NFIB: variants seen among roughly 807,000 people sequenced by gnomAD.
NFIB encodes the protein nuclear factor 1 B-type.
NFIB carries 11 observed loss-of-function variants against 61.5 expected under a neutral mutation model. The ratio of observed to expected loss-of-function variants is 0.18; its 90% CI spans 0.11 to 0.30. The LOEUF (loss-of-function observed/expected upper bound fraction) is 0.30. Ranked by LOEUF, NFIB falls within the 10% of genes least tolerant of loss-of-function variation. The pLI is 1.00. For synonymous variants in NFIB, 260 were observed against 216.5 expected, an observed-to-expected ratio of 1.20 and a Z score of -1.76; for missense variants, 471 against 608.9, an observed-to-expected ratio of 0.77 and a Z score of 2.38.
At chr9:14,217,688 A>C (rs550343853) in intron 2 of NFIB, among the ~76,000 whole-genome samples, 1 of 150,422 alleles carries the variant, frequency 6.6e-6, no homozygotes, top group Admixed American at 6.6e-5. Flanking sequence ...AAAAGACACA[A>C]ACTAAGCAAA....
chr9:14,393,285 G>A (rs940698338), intron 1 of NFIB, among the ~76,000 whole-genome samples: 1 of 152,092 alleles, frequency 6.6e-6, no homozygotes, highest in Non-Finnish European at 1.5e-5. Context: ...CATTGGCTAT[G>A]GCCTAAAAAA....
At chr9:14,146,847 G>C in intron 5 of NFIB, 40 bp from the exon 6 acceptor site, 1 of 1,591,862 alleles carries the variant, frequency 6.3e-7, no homozygotes. Context: ...TGGGATTTCT[G>C]GGAAGATGTG....
chr9:14,353,276 G>A (rs1426480948), intron 1 of NFIB, among the ~76,000 whole-genome samples: 2 of 152,152 alleles, frequency 1.3e-5, no homozygotes, highest in Non-Finnish European at 2.9e-5. Flanking sequence ...GTGGAAAGGG[G>A]AGGGATATTA....
chr9:14,504,761 A>G, the NFIB span, among the ~76,000 whole-genome samples: 2 of 152,126 alleles, frequency 1.3e-5, no homozygotes, highest in African/African-American at 4.8e-5. Context: ...TAGGTATATG[A>G]TCATATAATC....
At chr9:14,094,559 C>G (rs1025488376) in intron 10 of NFIB, 4 of 152,376 alleles carry the variant, frequency 2.6e-5, no homozygotes, top group Non-Finnish European at 5.9e-5. Flanking sequence ...CGGAATGATC[C>G]TCTTTGCATG....
the NFIB span, among the ~76,000 whole-genome samples, chr9:14,452,670 ACATGTCTG>A: frequency 1.3e-5 from 2 of 152,134 alleles, no homozygotes; most frequent in Non-Finnish European, 2.9e-5. Flanking sequence ...TCCCTAGTAG[ACATGTCTG>A]CTCCTGAAGA....
At chr9:14,228,026 A>C (rs1192868735) in intron 2 of NFIB, among the ~76,000 whole-genome samples, 3 of 152,154 alleles carry the variant, frequency 2.0e-5, no homozygotes, top group African/African-American at 4.8e-5. Context: ...CTCTTCCTTT[A>C]ATCAGATGAC....
intron 2 of NFIB, among the ~76,000 whole-genome samples, chr9:14,199,989 A>C (rs1023700755): frequency 6.6e-6 from 1 of 152,118 alleles, no homozygotes; most frequent in Non-Finnish European, 1.5e-5. Flanking sequence ...AGCAGAAGGG[A>C]TTGTCCAAAT....
At position 14,307,329 on chromosome 9, in the gene NFIB, G is replaced by A. The variant is rs565732389; in HGVS notation, c.222C>T (p.Ser74=). The A allele has an allele frequency of 2.5e-6, 4 of 1,613,882 alleles. No homozygotes were observed. The highest frequency in any genetic ancestry group is 1.1e-5 in the South Asian group (1 of 91,072). Reference sequence around the variant, plus strand: ...CTTTGCGCAGTTTGGCAAGGAGCCTGGATGCCCACTTCTGTTTGATTTCAG... The same window carrying A: ...CTTTGCGCAGTTTGGCAAGGAGCCTAGATGCCCACTTCTGTTTGATTTCAG... ...EKPEIKQKWA[S]RLLAKLRKDI... The change falls in exon 2 of 11, where the codon TCC becomes TCT. Residue 74 remains serine, a synonymous_variant. Coordinates refer to ENST00000380953, the MANE Select transcript of NFIB (RefSeq NM_001190737.2). This position sits in a 1 kb window ranked among gnomAD's most constrained non-coding sequence, Gnocchi z 5.3.
Position 14,083,739 on chromosome 9 carries a change from G to A in NFIB, c.*4570C>T, listed in dbSNP as rs1249175861. ...GAATTTGAATCTAGGTAAAGAACAT[G>A]TCCTGCTGTCACACCGCTGAAGATG... On this transcript the variant is annotated 3_prime_UTR_variant, in exon 11 of 11. Transcript: ENST00000380953. The A allele has an allele frequency of 8.9e-6, 2 of 224,974 alleles. No individual in the cohort carries two copies. The highest frequency in any genetic ancestry group is 8.9e-6 in the Non-Finnish European group (1 of 112,564). 13.9% of individuals were successfully genotyped at this position (224,974 alleles called of 1,614,324 possible). A position where few individuals can be genotyped will look rare whatever the true frequency, so the allele number is the denominator to read the frequency against.
intron 1 of NFIB, among the ~76,000 whole-genome samples, chr9:14,327,015 G>A (rs1485909473): frequency 6.6e-6 from 1 of 152,006 alleles, no homozygotes; most frequent in East Asian, 1.9e-4. Flanking sequence ...TGATTAAATT[G>A]AGCATAAAAA....
Position 14,113,097 on chromosome 9 carries a change from C to T in NFIB, c.1385-16G>A. On this transcript the variant is annotated splice_polypyrimidine_tract_variant and intron_variant, in intron 9 of 10. Transcript: ENST00000380953. The stretch of plus-strand genomic sequence containing the variant: ...GCTGTGTAGGCTGATTAAGGAAGAA[C>T]AAAAACAAAGATAAAAATTGTGAAC... 6.5e-7 allele frequency: 1 copy of T among 1,543,136 alleles called. No homozygotes were observed. The highest frequency in any genetic ancestry group is 8.7e-7 in the Non-Finnish European group (1 of 1,143,546).
the NFIB span, among the ~76,000 whole-genome samples, chr9:14,525,868 G>T: frequency 6.6e-6 from 1 of 151,898 alleles, no homozygotes; most frequent in Non-Finnish European, 1.5e-5. Flanking sequence ...GTGTATTTTG[G>T]GGCACCTACT....
chr9:14,445,509 G>C, the NFIB span, among the ~76,000 whole-genome samples: 206 of 152,126 alleles, frequency 1.4e-3, no homozygotes, highest in African/African-American at 4.6e-3. Flanking sequence ...ATCTTTTTTA[G>C]AATTTAGATC....
chr9:14,176,694 T>C (rs1036472427), intron 3 of NFIB, among the ~76,000 whole-genome samples: 7 of 152,276 alleles, frequency 4.6e-5, no homozygotes, highest in Admixed American at 1.3e-4. Context: ...TAGATGTCCA[T>C]ACTATAGTTT....
At chr9:14,293,579 T>A (rs2059238613) in intron 2 of NFIB, among the ~76,000 whole-genome samples, 1 of 152,222 alleles carries the variant, frequency 6.6e-6, no homozygotes, top group African/African-American at 2.4e-5. Flanking sequence ...GTAATGATGA[T>A]GCTTTCTGAA....
At chr9:14,129,781 TAA>T (rs2040177773) in intron 6 of NFIB, among the ~76,000 whole-genome samples, 2 of 152,274 alleles carry the variant, frequency 1.3e-5, no homozygotes, top group East Asian at 3.9e-4. Flanking sequence ...TGAATAATAA[TAA>T]AGTTGAATAA....
chr9:14,110,247 G>A (rs2037152734), intron 10 of NFIB, among the ~76,000 whole-genome samples: 1 of 151,880 alleles, frequency 6.6e-6, no homozygotes, highest in Admixed American at 6.6e-5. Context: ...AATTTATGTA[G>A]GCTCTATTAA....
chr9:14,510,693 T>C, the NFIB span, among the ~76,000 whole-genome samples: 9 of 152,270 alleles, frequency 5.9e-5, no homozygotes, highest in South Asian at 4.1e-4. Flanking sequence ...TTGTGTGAAA[T>C]TGGAGAATTC....
Sources: allele counts gnomAD v4.1 joint callset (sites outside exome capture counted in the v4.1 genomes callset), GRCh38; gene constraint gnomAD v4.1.1; non-coding constraint Gnocchi (gnomAD v3.1); transcripts MANE v1.5; gene names NCBI Gene and HGNC (gene_info 2026-07-23, HGNC 2026-07-21).